The following DTX4 variants were observed in gnomAD, a reference collection of about 807,000 sequenced individuals.
The protein encoded by DTX4 is E3 ubiquitin-protein ligase DTX4.
A neutral mutation model predicts 57.6 loss-of-function variants in DTX4; 28 were observed. The ratio of observed to expected loss-of-function variants is 0.49; its 90% CI spans 0.36 to 0.67. The LOEUF is 0.67. Ranked by LOEUF, DTX4 falls within the 30% of genes least tolerant of loss-of-function variation. The probability of loss-of-function intolerance (pLI) is 0.00; values close to 1 mark genes in which losing one functional copy is unlikely to be tolerated. For synonymous variants in DTX4, 316 were observed against 331.0 expected (o/e 0.95, Z 0.49); for missense variants, 715 against 836.8 (o/e 0.85, Z 1.80).
intron 5 of DTX4, among the ~76,000 whole-genome samples, chr11:59,191,872 G>A (rs1306669955): frequency 2.0e-5 from 3 of 152,224 alleles, no homozygotes; most frequent in African/African-American, 7.2e-5. Context: ...TCACGATTAT[G>A]ATAATTTAGA....
chr11:59,178,192 T>C (rs1862418352), intron 1 of DTX4, among the ~76,000 whole-genome samples: 1 of 151,668 alleles, frequency 6.6e-6, no homozygotes, highest in Non-Finnish European at 1.5e-5. Context: ...CAGAGAAGCC[T>C]GGCAATGAGG....
At chr11:59,189,362 G>A (rs1326583100) in intron 4 of DTX4, 39 bp downstream of exon 4, 1 of 1,491,410 alleles carries the variant, frequency 6.7e-7, no homozygotes, top group Non-Finnish European at 9.0e-7. Flanking sequence ...GAGAGTCAAA[G>A]ACTTGGCTGT....
At chr11:59,174,565 C>T (rs1226044445) in intron 1 of DTX4, among the ~76,000 whole-genome samples, 1 of 150,506 alleles carries the variant, frequency 6.6e-6, no homozygotes, top group Non-Finnish European at 1.5e-5. Context: ...ATTTGGAAAA[C>T]CACCCTTGTG....
intron 8 of DTX4, among the ~76,000 whole-genome samples, chr11:59,200,732 GT>G (rs1184067477): frequency 6.6e-6 from 1 of 152,186 alleles, no homozygotes; most frequent in East Asian, 1.9e-4. Context: ...AAAAATTTAT[GT>G]TTGTATTTCT....
intron 5 of DTX4, 88 bp downstream of exon 5, chr11:59,191,263 G>A (rs898931212): frequency 2.5e-5 from 34 of 1,349,468 alleles, no homozygotes; most frequent in South Asian, 1.3e-4. Flanking sequence ...AGGATATGGC[G>A]GGGGCTGCAT....
intron 2 of DTX4, among the ~76,000 whole-genome samples, chr11:59,182,791 G>A (rs543416152): frequency 3.9e-5 from 6 of 152,304 alleles, no homozygotes; most frequent in Non-Finnish European, 7.4e-5. Context: ...GAGGCTTAAA[G>A]AAGATTGTGG....
At position 59,208,336 on chromosome 11, in the gene DTX4, C is replaced by T. The variant is rs1862842545; in HGVS notation, c.*3427C>T. On this transcript the variant is annotated 3_prime_UTR_variant, in exon 9 of 9. Coordinates refer to ENST00000227451, the MANE Select transcript of DTX4 (RefSeq NM_015177.2). Reference sequence around the variant, plus strand: ...AAACAAATTTTCCACATATTACCCACCCACACATTTGACCTGGCTAGACTT... The same window carrying T: ...AAACAAATTTTCCACATATTACCCATCCACACATTTGACCTGGCTAGACTT... 2 of 133,228 alleles carry T rather than the reference C, an allele frequency of 1.5e-5. 1 individual carries two copies. The highest frequency in any genetic ancestry group is 5.2e-4 in the South Asian group (2 of 3,874). The allele number at this position is 133,228 out of a possible 1,614,324, so 8.3% of individuals were successfully genotyped here.
At chr11:59,197,985 C>T (rs927906045) in intron 7 of DTX4, among the ~76,000 whole-genome samples, 1 of 152,146 alleles carries the variant, frequency 6.6e-6, no homozygotes. Context: ...AACCCAAGCT[C>T]GTATCAAGGG....
Position 59,191,553 on chromosome 11 carries a change from G to A in DTX4, c.1221+378G>A, listed in dbSNP as rs906279934. On this transcript the variant is annotated intron_variant, in intron 5 of 8. Transcript: ENST00000227451. ...TTGGCCATGTCTGGAGACATTTTTG[G>A]TCGTCATTATTCTCAGGACCTTGTG... Among the ~76,000 whole-genome samples, 3 of 152,198 alleles carry A rather than the reference G, an allele frequency of 2.0e-5. No homozygotes were observed. The South Asian group carries it at 6.2e-4, about 31-fold the overall frequency.
intron 1 of DTX4, among the ~76,000 whole-genome samples, chr11:59,174,724 G>A (rs1329256902): frequency 1.3e-5 from 2 of 152,144 alleles, no homozygotes; most frequent in African/African-American, 4.8e-5. Context: ...TGGAAGGAAA[G>A]AAGCTACGTT....
chr11:59,178,356 A>G (rs1366264782), intron 1 of DTX4, among the ~76,000 whole-genome samples: 5 of 152,166 alleles, frequency 3.3e-5, no homozygotes, highest in East Asian at 3.8e-4. Flanking sequence ...TCCTGCCAAC[A>G]TGCATTTTGT....
Position 59,175,413 on chromosome 11 carries a change from C to T in DTX4, c.211+2607C>T, listed in dbSNP as rs74919914. 1.0e-3 allele frequency among the ~76,000 whole-genome samples: 153 copies of T among 152,296 alleles called. 5 individuals carry two copies. The East Asian group carries it at 0.028, about 28-fold the overall frequency. ...CTCTCCACTCGCCTGGGCTCCTGAC[C>T]TCATCCAGCCTGTCTCCAGGGAGAT... is the stretch of plus-strand genomic sequence containing the variant. On this transcript the variant is annotated intron_variant, in intron 1 of 8. Coordinates refer to ENST00000227451, the MANE Select transcript of DTX4 (RefSeq NM_015177.2).
chr11:59,200,761 A>C (rs1862731313), intron 8 of DTX4, among the ~76,000 whole-genome samples: 1 of 152,248 alleles, frequency 6.6e-6, no homozygotes, highest in South Asian at 2.1e-4. Context: ...AGGCCAGAAA[A>C]TCATTGGATT....
At chr11:59,199,438 A>G (rs761673364) in intron 7 of DTX4, among the ~76,000 whole-genome samples, 1 of 152,206 alleles carries the variant, frequency 6.6e-6, no homozygotes, top group Non-Finnish European at 1.5e-5. Context: ...GAGATGGGGA[A>G]CAAAAGCCCC....
intron 1 of DTX4, among the ~76,000 whole-genome samples, chr11:59,180,618 A>G (rs2135513708): frequency 6.6e-6 from 1 of 152,242 alleles, no homozygotes; most frequent in East Asian, 1.9e-4. Flanking sequence ...CCAGCATCCC[A>G]GGGGCCCTCC....
chr11:59,173,503 A>G (rs1055479343), intron 1 of DTX4, among the ~76,000 whole-genome samples: 1 of 152,172 alleles, frequency 6.6e-6, no homozygotes, highest in Admixed American at 6.5e-5. Flanking sequence ...GAGCAGATGG[A>G]GAGAGGAGGG....
intron 7 of DTX4, among the ~76,000 whole-genome samples, chr11:59,197,311 G>A (rs1439939092): frequency 2.0e-5 from 3 of 152,144 alleles, no homozygotes; most frequent in Non-Finnish European, 1.5e-5. Flanking sequence ...TAAAAAAATG[G>A]AGGAGAACAT....
At chr11:59,199,524 G>T (rs962335006) in intron 7 of DTX4, among the ~76,000 whole-genome samples, 160 bp from the exon 8 acceptor site, 4 of 152,188 alleles carry the variant, frequency 2.6e-5, no homozygotes, top group Non-Finnish European at 5.9e-5. Context: ...ACAGAAACAC[G>T]TGCTAAATGA....
At chr11:59,194,703 G>GT (rs1565220246) in intron 6 of DTX4, among the ~76,000 whole-genome samples, 1 of 152,212 alleles carries the variant, frequency 6.6e-6, no homozygotes, top group East Asian at 1.9e-4. Flanking sequence ...TAAGAATTAC[G>GT]TCTAGGCAGT....
Sources: allele counts gnomAD v4.1 joint callset (sites outside exome capture counted in the v4.1 genomes callset), GRCh38; gene constraint gnomAD v4.1.1; transcripts MANE v1.5; gene names NCBI Gene and HGNC (gene_info 2026-07-23, HGNC 2026-07-21).